Variants in XNDC1N observed in about 807,000 individuals in gnomAD.
XNDC1N encodes the protein protein XNDC1N.
the XNDC1N span, among the ~76,000 whole-genome samples, chr11:71,907,343 G>T: frequency 1.2e-3 from 177 of 151,714 alleles, no homozygotes; most frequent in African/African-American, 4.2e-3. Flanking sequence ...CATCGCAGGG[G>T]GGTGAGGCGC....
chr11:71,900,518 G>C, the XNDC1N span, among the ~76,000 whole-genome samples: 1 of 152,132 alleles, frequency 6.6e-6, no homozygotes, highest in African/African-American at 2.4e-5. Flanking sequence ...TTCTGTTCTT[G>C]GTTGTGCTGG....
chr11:71,903,076 C>A, the XNDC1N span: 1 of 535,076 alleles, frequency 1.9e-6, no homozygotes, highest in Admixed American at 2.8e-5. Flanking sequence ...AATCTGAAAA[C>A]ATTACTTGTG....
At chr11:71,866,023 G>A in the XNDC1N span, among the ~76,000 whole-genome samples, 1,914 of 152,228 alleles carry the variant, frequency 0.013, 17 homozygotes, top group Non-Finnish European at 0.019. Flanking sequence ...TAGAGACTTT[G>A]CCTGTAAACT....
chr11:71,906,336 T>C, the XNDC1N span, among the ~76,000 whole-genome samples: 3 of 152,024 alleles, frequency 2.0e-5, no homozygotes, highest in Non-Finnish European at 4.4e-5. Context: ...AGGAGTAGCA[T>C]CCTTCTAGAA....
the XNDC1N span, chr11:71,894,095 T>C: frequency 2.0e-6 from 1 of 488,230 alleles, no homozygotes; most frequent in South Asian, 2.0e-5. Context: ...TTTGGTTTTC[T>C]TCCCATTTCA....
the XNDC1N span, chr11:71,919,135 A>T: frequency 1.6e-6 from 1 of 638,256 alleles, no homozygotes; most frequent in Non-Finnish European, 2.8e-6. Context: ...TCATCCTAAC[A>T]TGATAGAAAA....
At chr11:71,882,398 A>T in the XNDC1N span, among the ~76,000 whole-genome samples, 1 of 152,152 alleles carries the variant, frequency 6.6e-6, no homozygotes, top group Middle Eastern at 3.4e-3. Flanking sequence ...CGCCTGGCTA[A>T]TTTTGTATTT....
chr11:71,923,555 G>GTTT, the XNDC1N span: 4 of 398,762 alleles, frequency 1.0e-5, no homozygotes, highest in Non-Finnish European at 1.4e-5. Flanking sequence ...GTTCATTTCT[G>GTTT]TTTTGTTTTT....
chr11:71,871,165 T>C, the XNDC1N span, among the ~76,000 whole-genome samples: 1 of 152,212 alleles, frequency 6.6e-6, no homozygotes, highest in Non-Finnish European at 1.5e-5. Flanking sequence ...AAAGAAAATA[T>C]AGTATATATA....
At chr11:71,885,772 GATT>G in the XNDC1N span, among the ~76,000 whole-genome samples, 2 of 151,672 alleles carry the variant, frequency 1.3e-5, no homozygotes, top group African/African-American at 4.8e-5. Flanking sequence ...AAAGTTTTCA[GATT>G]ATTAATATTA....
the XNDC1N span, among the ~76,000 whole-genome samples, chr11:71,879,851 T>A: frequency 6.6e-6 from 1 of 152,186 alleles, no homozygotes; most frequent in Non-Finnish European, 1.5e-5. Flanking sequence ...ATCTGATCCT[T>A]CATGTCTGCC....
the XNDC1N span, among the ~76,000 whole-genome samples, chr11:71,904,242 C>G: frequency 1.3e-5 from 2 of 152,168 alleles, no homozygotes; most frequent in African/African-American, 4.8e-5. Context: ...GTAATACCTT[C>G]CTAGGATACA....
At chr11:71,904,333 A>G in the XNDC1N span, among the ~76,000 whole-genome samples, 1 of 152,160 alleles carries the variant, frequency 6.6e-6, no homozygotes, top group Non-Finnish European at 1.5e-5. Context: ...AGTATGATGA[A>G]AAATATCACA....
the XNDC1N span, among the ~76,000 whole-genome samples, chr11:71,910,874 G>C: frequency 6.6e-6 from 1 of 152,200 alleles, no homozygotes; most frequent in East Asian, 1.9e-4. Context: ...ACAGGGACCG[G>C]GAACCTTTGG....
the XNDC1N span, among the ~76,000 whole-genome samples, chr11:71,902,598 G>C: frequency 7.0e-4 from 107 of 152,310 alleles, no homozygotes; most frequent in African/African-American, 2.5e-3. Flanking sequence ...TTACTCTCTC[G>C]AAGGAGAAAA....
chr11:71,892,048 G>C, the XNDC1N span, among the ~76,000 whole-genome samples: 11 of 151,978 alleles, frequency 7.2e-5, no homozygotes, highest in Non-Finnish European at 1.6e-4. Context: ...AATATCACAG[G>C]GGGGTGTACA....
At chr11:71,881,042 C>A in the XNDC1N span, among the ~76,000 whole-genome samples, 9 of 152,260 alleles carry the variant, frequency 5.9e-5, no homozygotes, top group African/African-American at 2.2e-4. Context: ...TTCTGTGGTA[C>A]AGATTAAATT....
At chr11:71,920,732 T>C in the XNDC1N span, among the ~76,000 whole-genome samples, 1 of 152,228 alleles carries the variant, frequency 6.6e-6, no homozygotes, top group African/African-American at 2.4e-5. Context: ...ATATCAACAA[T>C]AGTGATATTG....
the XNDC1N span, among the ~76,000 whole-genome samples, chr11:71,886,446 G>A: frequency 3.3e-5 from 5 of 152,154 alleles, no homozygotes; most frequent in Non-Finnish European, 7.3e-5. Flanking sequence ...ACATGAAAGA[G>A]AGGATATGCA....
Sources: gnomAD v4.1 joint callset for allele counts (sites outside exome capture counted in the v4.1 genomes callset) on GRCh38, gnomAD v4.1.1 for gene constraint, MANE v1.5 for transcripts, NCBI Gene and HGNC (gene_info 2026-07-23, HGNC 2026-07-21) for gene names.